GALNT7: variants seen among roughly 807,000 people sequenced by gnomAD.
GALNT7 encodes the protein N-acetylgalactosaminyltransferase 7.
A neutral mutation model predicts 82.1 loss-of-function variants in GALNT7; 60 were observed. That is an observed-to-expected ratio of 0.73 (90% confidence interval 0.59 to 0.91). GALNT7 has a LOEUF of 0.91. GALNT7 is among the 40% of genes least tolerant of loss of function. GALNT7 has a pLI of 0.00. For missense variants in GALNT7, 660 were observed against 804.2 expected (o/e 0.82, Z 2.17); for synonymous variants, 243 against 275.1 (o/e 0.88, Z 1.15).
chr4:173,298,712 C>T (rs890238067), intron 6 of GALNT7, among the ~76,000 whole-genome samples: 5 of 152,094 alleles, frequency 3.3e-5, no homozygotes, highest in African/African-American at 2.4e-5. Flanking sequence ...ACGTTCATGC[C>T]GTGGGTATAA....
intron 1 of GALNT7, among the ~76,000 whole-genome samples, chr4:173,209,046 A>G (rs185506104): frequency 1.3e-5 from 2 of 152,324 alleles, no homozygotes; most frequent in South Asian, 2.1e-4. Flanking sequence ...AGTATCATTT[A>G]TTAAATAATA....
At position 173,317,845 on chromosome 4, in the gene GALNT7, T is replaced by G. The variant is rs542015017; in HGVS notation, c.1707+113T>G. On this transcript the variant is annotated intron_variant, in intron 10 of 11. Coordinates refer to ENST00000265000, the MANE Select transcript of GALNT7 (RefSeq NM_017423.3). The stretch of plus-strand genomic sequence containing the variant: ...TTCGATTTGGTAATTTTGTTTGTTT[T>G]GATAAAGTAAAACATTCTGTAAAAA... 8.8e-6 allele frequency: 6 copies of G among 680,778 alleles called. No individual in the cohort carries two copies. In the East Asian group the frequency reaches 1.6e-4, roughly 18 times the overall value. The allele number at this position is 680,778 out of a possible 1,614,324, so 42.2% of individuals were successfully genotyped here. A position where few individuals can be genotyped will look rare whatever the true frequency, so the allele number is the denominator to read the frequency against.
intron 1 of GALNT7, among the ~76,000 whole-genome samples, chr4:173,176,110 GT>G (rs1250474940): frequency 6.6e-6 from 1 of 152,124 alleles, no homozygotes; most frequent in Non-Finnish European, 1.5e-5. Flanking sequence ...AAGAGAATGG[GT>G]TGGAAGGGAC....
chr4:173,314,760 C>A (rs1737530608), intron 9 of GALNT7, among the ~76,000 whole-genome samples: 1 of 152,182 alleles, frequency 6.6e-6, no homozygotes, highest in South Asian at 2.1e-4. Flanking sequence ...ATTGTCATTT[C>A]TTTGTTTATT....
chr4:173,277,414 C>T (rs949990545), intron 2 of GALNT7, among the ~76,000 whole-genome samples: 1 of 152,136 alleles, frequency 6.6e-6, no homozygotes, highest in Non-Finnish European at 1.5e-5. Flanking sequence ...AATAGCTGTC[C>T]AGTCCTTGCC....
intron 2 of GALNT7, among the ~76,000 whole-genome samples, chr4:173,261,028 C>A (rs891407066): frequency 6.6e-5 from 10 of 152,284 alleles, no homozygotes; most frequent in African/African-American, 2.2e-4. Context: ...GCTTGCTGAG[C>A]GCTTCTGTCC....
intron 1 of GALNT7, among the ~76,000 whole-genome samples, chr4:173,215,176 A>G (rs1733400791): frequency 6.6e-6 from 1 of 151,812 alleles, no homozygotes; most frequent in Non-Finnish European, 1.5e-5. Flanking sequence ...AAATCCAACT[A>G]TCCAAGAGGT....
chr4:173,218,050 C>G (rs774801492), intron 1 of GALNT7, among the ~76,000 whole-genome samples: 2 of 152,146 alleles, frequency 1.3e-5, no homozygotes, highest in Admixed American at 1.3e-4. Flanking sequence ...TAAATTTTGT[C>G]TTGGCTTCTG....
intron 2 of GALNT7, among the ~76,000 whole-genome samples, chr4:173,257,799 G>C (rs1381608844): frequency 5.3e-5 from 8 of 152,184 alleles, no homozygotes; most frequent in South Asian, 2.1e-4. Context: ...CTAAAACCAT[G>C]ATAAGGGCTC....
At chr4:173,274,407 G>T (rs1474983560) in intron 2 of GALNT7, among the ~76,000 whole-genome samples, 1 of 152,124 alleles carries the variant, frequency 6.6e-6, no homozygotes, top group African/African-American at 2.4e-5. Flanking sequence ...GTGAAAATAA[G>T]GAATTTATTT....
At chr4:173,168,998 C>A in intron 1 of GALNT7, 37 bp downstream of exon 1, 1 of 1,604,470 alleles carries the variant, frequency 6.2e-7, no homozygotes, top group Non-Finnish European at 8.5e-7. Context: ...GCGGCAGCGA[C>A]CGGCAACTTG....
rs530907540 is a variant in GALNT7, at chr4:173,257,960, A to G, written c.587+9520A>G. ...CTCCCTCCAGAGTCCACACGTGGTA[A>G]GCTGCAGGCCTGCTGGAGTGGGTCC... is the stretch of plus-strand genomic sequence containing the variant. On this transcript the variant is annotated intron_variant, in intron 2 of 11. Transcript: ENST00000265000. Among the ~76,000 whole-genome samples, 67 of 152,316 alleles carry G rather than the reference A, an allele frequency of 4.4e-4. 1 individual carries two copies. The highest frequency in any genetic ancestry group is 8.8e-4 in the Non-Finnish European group (60 of 68,034).
In GALNT7 at chr4:173,295,396, A is replaced by G. The variant is rs745424531; in HGVS notation, c.755A>G (p.Glu252Gly). The change falls in exon 4 of 12, where the codon GAA becomes GGA. Residue 252 changes from glutamate to glycine, a missense_variant and splice_region_variant. Glu to Gly is a moderately conservative substitution (Grantham distance 98). Transcript: ENST00000265000. Reference sequence around the variant, plus strand: ...AATATCGATTGATTTTTCTTAACAGAACACTTAAAAGAAAAACTGGATGAA... The same window carrying G: ...AATATCGATTGATTTTTCTTAACAGGACACTTAAAAGAAAAACTGGATGAA... ...IVLIDDFSNK[E>G]HLKEKLDEYI... 1 of 1,566,448 alleles carries G rather than the reference A, an allele frequency of 6.4e-7. No homozygotes were observed. The highest frequency in any genetic ancestry group is 8.8e-7 in the Non-Finnish European group (1 of 1,138,228).
chr4:173,180,237 T>G lies in GALNT7; in HGVS notation c.126+11276T>G, dbSNP rs1050107838. 3.3e-5 allele frequency among the ~76,000 whole-genome samples: 5 copies of G among 152,112 alleles called. No homozygotes were observed. In the East Asian group the frequency reaches 9.6e-4, roughly 29 times the overall value. ...TAAGTTTTTTTTTTGCTTGATTGTT[T>G]AATGCTCTTATGAAAAACACATATT... is the stretch of plus-strand genomic sequence containing the variant. On this transcript the variant is annotated intron_variant, in intron 1 of 11. Transcript: ENST00000265000.
chr4:173,174,564 T>TGA (rs1731976210), intron 1 of GALNT7, among the ~76,000 whole-genome samples: 1 of 152,212 alleles, frequency 6.6e-6, no homozygotes, highest in South Asian at 2.1e-4. Flanking sequence ...TTCCATCCAG[T>TGA]GGTCTATGTG....
At chr4:173,256,837 G>T (rs1447736023) in intron 2 of GALNT7, among the ~76,000 whole-genome samples, 1 of 152,076 alleles carries the variant, frequency 6.6e-6, no homozygotes, top group Non-Finnish European at 1.5e-5. Flanking sequence ...CTGTCTAGCT[G>T]GTAAACCAAG....
chr4:173,278,545 A>C (rs1397966780), intron 2 of GALNT7, among the ~76,000 whole-genome samples: 1 of 152,248 alleles, frequency 6.6e-6, no homozygotes, highest in Non-Finnish European at 1.5e-5. Context: ...TGGAACATGC[A>C]CCTAAACCAA....
At chr4:173,240,963 C>T (rs1365366105) in intron 1 of GALNT7, among the ~76,000 whole-genome samples, 2 of 152,038 alleles carry the variant, frequency 1.3e-5, no homozygotes, top group Non-Finnish European at 2.9e-5. Context: ...ATTCAGTCTC[C>T]AGAAGGGAGG....
At chr4:173,215,964 A>C (rs1733435421) in intron 1 of GALNT7, among the ~76,000 whole-genome samples, 1 of 152,030 alleles carries the variant, frequency 6.6e-6, no homozygotes, top group Non-Finnish European at 1.5e-5. Flanking sequence ...AAAAAAATAA[A>C]AATAAAGAAA....
Sources: gnomAD v4.1 joint callset for allele counts (sites outside exome capture counted in the v4.1 genomes callset) on GRCh38, gnomAD v4.1.1 for gene constraint, MANE v1.5 for transcripts, NCBI Gene and HGNC (gene_info 2026-07-23, HGNC 2026-07-21) for gene names.